GRM5: variants seen among roughly 807,000 people sequenced by gnomAD.
The protein encoded by GRM5 is metabotropic glutamate receptor 5.
In GRM5, 19 loss-of-function variants were observed where a neutral mutation model predicts 83.1. The ratio of observed to expected loss-of-function variants is 0.23; its 90% CI spans 0.16 to 0.34. GRM5 has a LOEUF of 0.34. GRM5 is among the 10% of genes least tolerant of loss of function. GRM5 has a pLI of 1.00. For missense variants in GRM5, 1,160 were observed against 1,588.3 expected (o/e 0.73, Z 4.58); for synonymous variants, 675 against 633.6 (o/e 1.07, Z -0.98).
rs116590361 is a variant in GRM5, at chr11:88,671,273, C to A, written c.912-17870G>T. 8.6e-3 allele frequency among the ~76,000 whole-genome samples: 1,311 copies of A among 152,012 alleles called. 18 individuals are homozygous for A. Among genetic ancestry groups the A allele is most frequent in the African/African-American group, 0.029 (1,221 of 41,484 alleles). On this transcript the variant is annotated intron_variant, in intron 3 of 9. Coordinates refer to ENST00000305447, the MANE Select transcript of GRM5 (RefSeq NM_001143831.3). ...TTCTCCCAGACAGATTCCAACTCTG[C>A]CATAAACTTCTCCACATACACAAAT...
At chr11:88,865,383 T>G (rs2135555322) in intron 2 of GRM5, among the ~76,000 whole-genome samples, 1 of 152,208 alleles carries the variant, frequency 6.6e-6, no homozygotes, top group Non-Finnish European at 1.5e-5. Context: ...CTGGATCCTT[T>G]CCTTACACCT....
chr11:88,965,538 T>G (rs569997225), intron 2 of GRM5, among the ~76,000 whole-genome samples: 1 of 152,212 alleles, frequency 6.6e-6, no homozygotes, highest in South Asian at 2.1e-4. Flanking sequence ...TATAGCCTTA[T>G]GTATGATAAA....
chr11:88,999,885 A>G (rs1244797675), intron 2 of GRM5, among the ~76,000 whole-genome samples: 7 of 151,880 alleles, frequency 4.6e-5, no homozygotes, highest in African/African-American at 1.5e-4. Flanking sequence ...TGTCACATAT[A>G]CACCATGGAA....
chr11:88,558,320 G>A (rs972838845), intron 8 of GRM5, among the ~76,000 whole-genome samples: 3 of 152,002 alleles, frequency 2.0e-5, no homozygotes, highest in Admixed American at 6.6e-5. Context: ...CCCCACATTC[G>A]AAACAACAAT....
chr11:88,884,861 C>T (rs917704702), intron 2 of GRM5, among the ~76,000 whole-genome samples: 9 of 152,124 alleles, frequency 5.9e-5, no homozygotes, highest in Admixed American at 5.2e-4. Context: ...CTGAGGCCTC[C>T]CCAGCCATGT....
At chr11:88,754,992 T>A (rs1942366431) in intron 3 of GRM5, among the ~76,000 whole-genome samples, 1 of 141,706 alleles carries the variant, frequency 7.1e-6, no homozygotes, top group South Asian at 2.1e-4. Context: ...TCTCCTCATA[T>A]GCAAAACAGA....
At chr11:88,910,847 T>A (rs896150197) in intron 2 of GRM5, among the ~76,000 whole-genome samples, 1 of 626 alleles carries the variant, frequency 1.6e-3, no homozygotes, top group Admixed American at 0.036. Context: ...TAGAACGTAT[T>A]TTTTTTTTGT....
intron 4 of GRM5, among the ~76,000 whole-genome samples, chr11:88,611,223 GC>G (rs1938306353): frequency 6.6e-6 from 1 of 152,124 alleles, no homozygotes; most frequent in Non-Finnish European, 1.5e-5. Flanking sequence ...GATGATGCTG[GC>G]TTTGTAGAAT....
At chr11:88,783,149 G>C (rs1943004755) in intron 3 of GRM5, among the ~76,000 whole-genome samples, 1 of 152,044 alleles carries the variant, frequency 6.6e-6, no homozygotes, top group South Asian at 2.1e-4. Context: ...ACTTTTAAAA[G>C]GGAGAGAAAA....
At chr11:89,009,702 C>A (rs1940630863) in intron 2 of GRM5, among the ~76,000 whole-genome samples, 1 of 151,490 alleles carries the variant, frequency 6.6e-6, no homozygotes, top group South Asian at 2.1e-4. Flanking sequence ...CGAGACCATC[C>A]TGGCTAACAC....
intron 2 of GRM5, among the ~76,000 whole-genome samples, chr11:88,875,052 TAAC>T (rs1162329213): frequency 6.7e-6 from 1 of 148,780 alleles, no homozygotes; most frequent in Non-Finnish European, 1.5e-5. Flanking sequence ...TTTCTTAAAA[TAAC>T]AATGAAGTCT....
chr11:88,533,564 T>C (rs79509014), intron 8 of GRM5, among the ~76,000 whole-genome samples: 2,912 of 152,274 alleles, frequency 0.019, 101 homozygotes, highest in African/African-American at 0.067. Context: ...GAATCTGTGA[T>C]AGAATGCAAG....
At chr11:88,951,784 AT>A (rs1465350568) in intron 2 of GRM5, among the ~76,000 whole-genome samples, 1 of 152,208 alleles carries the variant, frequency 6.6e-6, no homozygotes, top group African/African-American at 2.4e-5. Context: ...TGCATAATAA[AT>A]GTCATCATAG....
At chr11:88,950,174 G>A (rs929886654) in intron 2 of GRM5, among the ~76,000 whole-genome samples, 5 of 151,692 alleles carry the variant, frequency 3.3e-5, no homozygotes, top group Non-Finnish European at 7.4e-5. Flanking sequence ...ACGCCCGGCC[G>A]AATTTCCTTG....
chr11:89,016,033 G>C (rs563159399), intron 2 of GRM5, among the ~76,000 whole-genome samples: 2 of 152,108 alleles, frequency 1.3e-5, no homozygotes, highest in South Asian at 2.1e-4. Context: ...TCAAAACCCA[G>C]TTGGAAGGAA....
chr11:88,840,474 C>A (rs1164392029), intron 3 of GRM5, among the ~76,000 whole-genome samples: 1 of 152,162 alleles, frequency 6.6e-6, no homozygotes, highest in Admixed American at 6.5e-5. Flanking sequence ...CCCTTTACCC[C>A]CACCTTTTTT....
chr11:88,615,525 C>A (rs1193701753), intron 4 of GRM5, among the ~76,000 whole-genome samples: 1 of 152,034 alleles, frequency 6.6e-6, no homozygotes, highest in Admixed American at 6.6e-5. Context: ...TGACCTTTCA[C>A]CTTCTTCAGG....
At chr11:88,838,251 T>C (rs929096629) in intron 3 of GRM5, among the ~76,000 whole-genome samples, 56 of 152,300 alleles carry the variant, frequency 3.7e-4, no homozygotes, top group Middle Eastern at 3.4e-3. Context: ...GGAACTTTTA[T>C]GCTCCAGGAG....
chr11:88,618,907 G>C (rs1399665680), intron 4 of GRM5, among the ~76,000 whole-genome samples: 1 of 152,166 alleles, frequency 6.6e-6, no homozygotes, highest in African/African-American at 2.4e-5. Flanking sequence ...AAGCCGACTT[G>C]ACTTGCCAGG....
Sources: allele counts gnomAD v4.1 joint callset (sites outside exome capture counted in the v4.1 genomes callset), GRCh38; gene constraint gnomAD v4.1.1; transcripts MANE v1.5; gene names NCBI Gene and HGNC (gene_info 2026-07-23, HGNC 2026-07-21).